PDE4D: variants seen among roughly 807,000 people sequenced by gnomAD.
The protein encoded by PDE4D is 3',5'-cyclic-AMP phosphodiesterase 4D.
PDE4D carries 24 observed loss-of-function variants against 87.4 expected under a neutral mutation model. The observed-to-expected ratio is 0.27, with a 90% CI of 0.20 to 0.39. The LOEUF (loss-of-function observed/expected upper bound fraction) is 0.39. Ranked by LOEUF, PDE4D falls within the 10% of genes least tolerant of loss-of-function variation. The probability of loss-of-function intolerance (pLI) is 1.00; values close to 1 mark genes in which losing one functional copy is unlikely to be tolerated. For missense variants in PDE4D, 714 were observed against 1,041.0 expected (o/e 0.69, Z 4.32); for synonymous variants, 384 against 383.2 (o/e 1.00, Z -0.02).
At chr5:60,255,302 A>G (rs986256944) in intron 1 of PDE4D, among the ~76,000 whole-genome samples, 6 of 152,008 alleles carry the variant, frequency 3.9e-5, no homozygotes, top group Non-Finnish European at 8.8e-5. Flanking sequence ...TAATTTCTTG[A>G]TGGCTGCAGA....
chr5:59,936,892 TTCC>T (rs1756645144), intron 3 of PDE4D, among the ~76,000 whole-genome samples: 1 of 152,072 alleles, frequency 6.6e-6, no homozygotes, highest in Non-Finnish European at 1.5e-5. Context: ...ATTTTTAGAG[TTCC>T]AAGGTTGAGG....
chr5:59,101,663 A>G (rs1027216996), intron 5 of PDE4D, among the ~76,000 whole-genome samples: 14 of 152,076 alleles, frequency 9.2e-5, no homozygotes, highest in African/African-American at 3.4e-4. Flanking sequence ...CTTGTCCTAA[A>G]TATCTTTTCC....
chr5:59,317,413 T>C (rs1773953268), intron 1 of PDE4D, among the ~76,000 whole-genome samples: 1 of 152,136 alleles, frequency 6.6e-6, no homozygotes, highest in African/African-American at 2.4e-5. Context: ...TGCACTTAGA[T>C]AGTAGTAACC....
chr5:59,423,011 A>G (rs536757184), intron 1 of PDE4D, among the ~76,000 whole-genome samples: 55 of 152,330 alleles, frequency 3.6e-4, no homozygotes, highest in Admixed American at 3.3e-3. Flanking sequence ...AAATTAATAA[A>G]TAATCACTTG....
chr5:59,551,850 C>T (rs1244974251), intron 1 of PDE4D, among the ~76,000 whole-genome samples: 1 of 152,076 alleles, frequency 6.6e-6, no homozygotes, highest in Non-Finnish European at 1.5e-5. Context: ...CAAAAAAACC[C>T]TTCTAATTTC....
chr5:60,225,602 TA>T (rs1456990058), intron 1 of PDE4D, among the ~76,000 whole-genome samples: 2 of 152,110 alleles, frequency 1.3e-5, no homozygotes, highest in East Asian at 3.9e-4. Flanking sequence ...GGATCACTGA[TA>T]AAACTGAATT....
intron 1 of PDE4D, among the ~76,000 whole-genome samples, chr5:59,472,108 T>C (rs1334382497): frequency 6.6e-6 from 1 of 152,150 alleles, no homozygotes; most frequent in East Asian, 1.9e-4. Context: ...CCTTCTGCTA[T>C]TACTACATAC....
intron 2 of PDE4D, among the ~76,000 whole-genome samples, chr5:60,079,733 A>G (rs936175247): frequency 9.9e-5 from 15 of 152,064 alleles, no homozygotes; most frequent in African/African-American, 3.6e-4. Flanking sequence ...CCATTGGTCT[A>G]TTTGTCTGTT....
At chr5:59,360,023 C>T (rs955923171) in intron 1 of PDE4D, among the ~76,000 whole-genome samples, 5 of 152,090 alleles carry the variant, frequency 3.3e-5, no homozygotes, top group African/African-American at 1.2e-4. Flanking sequence ...AATAAGGCAT[C>T]GTTTTTGCCT....
intron 2 of PDE4D, among the ~76,000 whole-genome samples, chr5:60,072,771 C>T (rs1241940936): frequency 1.3e-5 from 2 of 151,930 alleles, no homozygotes; most frequent in Non-Finnish European, 2.9e-5. Flanking sequence ...GGAGTCCTTT[C>T]CCCTTTGCTT....
At chr5:59,833,159 A>T (rs1741502481) in intron 1 of PDE4D, among the ~76,000 whole-genome samples, 2 of 152,086 alleles carry the variant, frequency 1.3e-5, no homozygotes, top group African/African-American at 4.8e-5. Flanking sequence ...GTGTACTGGC[A>T]TCTGTGGTGC....
Position 59,215,807 on chromosome 5 carries a change from A to G in PDE4D, c.617T>C (p.Met206Thr), listed in dbSNP as rs895770261. The stretch of plus-strand genomic sequence containing the variant: ...ACTGGCAATGGAGGAGTTCCGGGAC[A>G]TAGACTTTGGAGAGAGGTCATAATC... ...DSDYDLSPKSMSRNSSIASDI... is the reference protein window; with the variant it reads ...DSDYDLSPKSTSRNSSIASDI... Residue 206 changes from methionine (M) to threonine (T), a missense_variant, in exon 2 of 15, where the codon ATG (methionine) becomes ACG (threonine). Transcript: ENST00000340635. 1 of 1,613,668 alleles carries G rather than the reference A, an allele frequency of 6.2e-7. No individual in the cohort carries two copies. Among genetic ancestry groups the G allele is most frequent in the South Asian group, 1.1e-5 (1 of 91,082 alleles).
At chr5:59,153,226 A>G (rs2153461115) in intron 5 of PDE4D, among the ~76,000 whole-genome samples, 1 of 152,192 alleles carries the variant, frequency 6.6e-6, no homozygotes, top group East Asian at 1.9e-4. Flanking sequence ...CAGACTCTCC[A>G]GTAGCAGCGG....
intron 1 of PDE4D, among the ~76,000 whole-genome samples, chr5:59,378,002 C>T (rs548262256): frequency 2.5e-3 from 384 of 152,144 alleles, no homozygotes; most frequent in African/African-American, 8.7e-3. Flanking sequence ...CAGCACTATT[C>T]ACAATAGCAA....
At chr5:59,071,291 G>T (rs1764748449) in intron 5 of PDE4D, among the ~76,000 whole-genome samples, 1 of 151,990 alleles carries the variant, frequency 6.6e-6, no homozygotes, top group African/African-American at 2.4e-5. Context: ...CAATTAATGA[G>T]TTCTGGAAAT....
chr5:59,346,193 A>G (rs183996809), intron 1 of PDE4D, among the ~76,000 whole-genome samples: 1 of 152,314 alleles, frequency 6.6e-6, no homozygotes, highest in African/African-American at 2.4e-5. Context: ...CTTCGGGTGC[A>G]TAGTGACTGG....
intron 2 of PDE4D, among the ~76,000 whole-genome samples, chr5:59,989,115 T>TATAC (rs1457167328): frequency 4.6e-4 from 34 of 73,988 alleles, no homozygotes; most frequent in African/African-American, 9.1e-4. Flanking sequence ...TATATATATA[T>TATAC]ACACACACAC....
At chr5:59,514,318 G>T (rs1364693087) in intron 1 of PDE4D, among the ~76,000 whole-genome samples, 2 of 152,010 alleles carry the variant, frequency 1.3e-5, no homozygotes, top group African/African-American at 4.8e-5. Flanking sequence ...TGTTAGCCAG[G>T]ATGGTCTCGA....
rs559772675 is a variant in PDE4D at position 59,229,832 on chromosome 5, CTTG to C, written c.456-13867_456-13865del. ...GTGTTTTCTGAGATGGAGTTTTGCT[CTTG>C]TTGTGCAGGCTGGAGTGCAATGGTG... is the stretch of plus-strand genomic sequence containing the variant. On this transcript the variant is annotated intron_variant, in intron 1 of 14. Transcript: ENST00000340635. Among the ~76,000 whole-genome samples the C allele has an allele frequency of 1.9e-3, 287 of 152,270 alleles. 1 individual carries two copies. The highest frequency in any genetic ancestry group is 6.6e-3 in the African/African-American group (273 of 41,550).
Sources: gnomAD v4.1 joint callset for allele counts (sites outside exome capture counted in the v4.1 genomes callset) on GRCh38, gnomAD v4.1.1 for gene constraint, MANE v1.5 for transcripts, NCBI Gene and HGNC (gene_info 2026-07-23, HGNC 2026-07-21) for gene names.